PLA2G4D: variants seen among roughly 807,000 people sequenced by gnomAD.
The protein encoded by PLA2G4D is cytosolic phospholipase A2 delta.
In PLA2G4D, 80 loss-of-function variants were observed where a neutral mutation model predicts 94.4. The ratio of observed to expected loss-of-function variants is 0.85; its 90% CI spans 0.71 to 1.02. The LOEUF (loss-of-function observed/expected upper bound fraction) is 1.02, where lower values mean the gene tolerates loss of function less well. Among genes scored for constraint, PLA2G4D ranks in the 50% least tolerant of loss-of-function variants. The probability of loss-of-function intolerance (pLI) is 0.00; values close to 1 mark genes in which losing one functional copy is unlikely to be tolerated. For synonymous variants in PLA2G4D, 438 were observed against 440.9 expected (o/e 0.99, Z 0.08); for missense variants, 1,050 against 1,034.7 (o/e 1.01, Z -0.20).
In PLA2G4D at chr15:42,069,985, G is replaced by A; in HGVS notation, c.2154C>T (p.Asp718=). The A allele has an allele frequency of 6.7e-7, 1 of 1,487,108 alleles. No individual in the cohort carries two copies. The highest frequency in any genetic ancestry group is 8.9e-7 in the Non-Finnish European group (1 of 1,123,196). The allele number at this position is 1,487,108 out of a possible 1,614,324, so 92.1% of individuals were successfully genotyped here. ...HQPRECHLFS[D]PACPEAPILL... ...GGATCGGGGCCTCGGGGCAGGCGGGGTCTGAGAAGAGGTGGCATTCCCTTG... is the reference window on the plus strand; with the variant it reads ...GGATCGGGGCCTCGGGGCAGGCGGGATCTGAGAAGAGGTGGCATTCCCTTG... Residue 718 remains aspartate (D), a synonymous_variant, in exon 19 of 20, where the codon GAC becomes GAT. Coordinates refer to ENST00000290472, the MANE Select transcript of PLA2G4D (RefSeq NM_178034.4).
intron 13 of PLA2G4D, among the ~76,000 whole-genome samples, chr15:42,074,099 C>G (rs1027340242): frequency 5.9e-5 from 9 of 152,178 alleles, no homozygotes; most frequent in African/African-American, 2.2e-4. Context: ...CTCTGTTGCT[C>G]TTTTGATACA....
At chr15:42,088,467 A>G (rs1890193206) in intron 1 of PLA2G4D, among the ~76,000 whole-genome samples, 1 of 152,158 alleles carries the variant, frequency 6.6e-6, no homozygotes, top group African/African-American at 2.4e-5. Context: ...CTGGGGTCAG[A>G]GCACTGGGGG....
chr15:42,087,243 C>T (rs970575602), intron 3 of PLA2G4D, 57 bp downstream of exon 3: 10 of 1,607,956 alleles, frequency 6.2e-6, no homozygotes, highest in Non-Finnish European at 6.8e-6. Flanking sequence ...CCCAGGAACC[C>T]TTGCATGGGG....
chr15:42,091,396 GAGAAGTGACC>G (rs1445580057), intron 1 of PLA2G4D, among the ~76,000 whole-genome samples: 1 of 152,240 alleles, frequency 6.6e-6, no homozygotes, highest in Non-Finnish European at 1.5e-5. Context: ...GGGACACAGT[GAGAAGTGACC>G]AGAAGACAAG....
chr15:42,083,107 C>G, intron 8 of PLA2G4D, 91 bp downstream of exon 8: 1 of 1,520,822 alleles, frequency 6.6e-7, no homozygotes, highest in Non-Finnish European at 8.8e-7. Flanking sequence ...GGGGCCTTGG[C>G]CCTGGTGGGC....
intron 12 of PLA2G4D, among the ~76,000 whole-genome samples, chr15:42,080,200 C>T (rs1015191190): frequency 6.6e-6 from 1 of 152,080 alleles, no homozygotes; most frequent in African/African-American, 2.4e-5. Flanking sequence ...TAGTGGCTAC[C>T]ATAGTGGCTT....
At position 42,070,626 on chromosome 15, in the gene PLA2G4D, C is replaced by T. The variant is rs970952088; in HGVS notation, c.2043+91G>A. On this transcript the variant is annotated intron_variant, in intron 18 of 19. Coordinates refer to ENST00000290472, the MANE Select transcript of PLA2G4D (RefSeq NM_178034.4). ...CCTCTCCTTCCCTTCGGGACCCCGG[C>T]GGTGTGGGGCAGGGGCTCAGTGGCC... 134 of 1,388,950 alleles carry T rather than the reference C, an allele frequency of 9.6e-5. 1 individual carries two copies. In the East Asian group the frequency reaches 3.0e-3, roughly 31 times the overall value. 86.0% of individuals were successfully genotyped at this position (1,388,950 alleles called of 1,614,324 possible). A position where few individuals can be genotyped will look rare whatever the true frequency, so the allele number is the denominator to read the frequency against.
At position 42,082,409 on chromosome 15, in the gene PLA2G4D, C is replaced by A. The variant is rs1476025512; in HGVS notation, c.673-20G>T. ...GGAGCTCTGAAGGGAAAGCATCATT[C>A]ATTCATTCATTCATTCATTCAACAA... On this transcript the variant is annotated intron_variant, in intron 8 of 19. Coordinates refer to ENST00000290472, the MANE Select transcript of PLA2G4D (RefSeq NM_178034.4). 1 of 1,541,900 alleles carries A rather than the reference C, an allele frequency of 6.5e-7. No homozygotes were observed.
At chr15:42,070,248 AC>A in intron 18 of PLA2G4D, 153 bp from the exon 19 acceptor site, 2 of 711,810 alleles carry the variant, frequency 2.8e-6, no homozygotes, top group Non-Finnish European at 4.3e-6. Flanking sequence ...TCGGAGGGAG[AC>A]CCAGGGGGAG....
In PLA2G4D at chr15:42,086,194, T is replaced by TGG; in HGVS notation, c.387+18_387+19insCC. 1.5e-6 allele frequency: 2 copies of TGG among 1,370,438 alleles called. No homozygotes were observed. The highest frequency in any genetic ancestry group is 1.5e-5 in the South Asian group (1 of 66,866). 84.9% of individuals were successfully genotyped at this position (1,370,438 alleles called of 1,614,324 possible). Reference sequence around the variant, plus strand: ...GGAAGAAGTGGGGCCCACGGGGACTTCCCCACCCACCCACCCACCTGGGGA... The same window carrying TGG: ...GGAAGAAGTGGGGCCCACGGGGACTTGGCCCCACCCACCCACCCACCTGGGGA... On this transcript the variant is annotated intron_variant, in intron 4 of 19. Coordinates refer to ENST00000290472, the MANE Select transcript of PLA2G4D (RefSeq NM_178034.4).
rs1889704488 is a variant in PLA2G4D at position 42,067,338 on chromosome 15, C to T, written c.*1377G>A. ...ATTGCTTGAGTTCAGGAGTTCAAGA[C>T]CAGCCTGGGCAACATGGTGAGACCT... is the stretch of plus-strand genomic sequence containing the variant. On this transcript the variant is annotated 3_prime_UTR_variant, in exon 20 of 20. Transcript: ENST00000290472. 6.6e-6 allele frequency: 1 copy of T among 152,170 alleles called. No individual in the cohort carries two copies. Among genetic ancestry groups the T allele is most frequent in the Non-Finnish European group, 1.5e-5 (1 of 68,052 alleles). The allele number at this position is 152,170 out of a possible 1,614,324, so 9.4% of individuals were successfully genotyped here.
intron 1 of PLA2G4D, among the ~76,000 whole-genome samples, chr15:42,088,995 G>T (rs1890203545): frequency 6.6e-6 from 1 of 152,198 alleles, no homozygotes; most frequent in African/African-American, 2.4e-5. Context: ...AAAAACCCGT[G>T]CTGGGGCTTC....
At chr15:42,082,957 C>A (rs79182154) in intron 8 of PLA2G4D, among the ~76,000 whole-genome samples, 2,877 of 152,310 alleles carry the variant, frequency 0.019, 67 homozygotes, top group African/African-American at 0.054. Context: ...ATGTCTTATT[C>A]TAAGGGTATC....
chr15:42,070,703 G>T lies in PLA2G4D; in HGVS notation c.2043+14C>A. On this transcript the variant is annotated intron_variant, in intron 18 of 19. Transcript: ENST00000290472. ...TGGCTGGGCAGAGGGGTTCCCCTGGGGTGACCAGGGTACCTCGAAGGGCGC... is the reference window on the plus strand; with the variant it reads ...TGGCTGGGCAGAGGGGTTCCCCTGGTGTGACCAGGGTACCTCGAAGGGCGC... 1 of 1,551,118 alleles carries T rather than the reference G, an allele frequency of 6.4e-7. No homozygotes were observed. Among genetic ancestry groups the T allele is most frequent in the African/African-American group, 1.4e-5 (1 of 73,218 alleles).
In PLA2G4D at chr15:42,067,116, G is replaced by A. The variant is rs919470906; in HGVS notation, c.*1599C>T. On this transcript the variant is annotated 3_prime_UTR_variant, in exon 20 of 20. Transcript: ENST00000290472. ...AGAGGCACAGGGAAGGAAGCTGAGA[G>A]AGGACATCAGATGAGGGCAGTCCCT... 6.6e-6 allele frequency: 1 copy of A among 152,264 alleles called. No homozygotes were observed. Among genetic ancestry groups the A allele is most frequent in the African/African-American group, 2.4e-5 (1 of 41,458 alleles). The allele number at this position is 152,264 out of a possible 1,614,324, so 9.4% of individuals were successfully genotyped here.
At chr15:42,071,684 G>A in intron 15 of PLA2G4D, 90 bp downstream of exon 15, 2 of 1,412,372 alleles carry the variant, frequency 1.4e-6, no homozygotes, top group East Asian at 4.7e-5. Context: ...CCCTTGTCCT[G>A]AGGTTCTGCC....
At position 42,072,276 on chromosome 15, in the gene PLA2G4D, C is replaced by T; in HGVS notation, c.1434G>A (p.Lys478=). 6.2e-7 allele frequency: 1 copy of T among 1,611,510 alleles called. No individual in the cohort carries two copies. Residue 478 remains lysine (K), a splice_region_variant and synonymous_variant, in exon 14 of 20, where the codon AAG becomes AAA. Coordinates refer to ENST00000290472, the MANE Select transcript of PLA2G4D (RefSeq NM_178034.4). The stretch of plus-strand genomic sequence containing the variant: ...GGAGGGGAGTAGGTAGAACTGTACC[C>T]TTGAAGTCCAGTGTCTCCAGATTGT... The part of the protein sequence containing the change: ...KENNLETLDF[K]EWVEFSPYEV...
chr15:42,082,835 G>A (rs1279357604), intron 8 of PLA2G4D, among the ~76,000 whole-genome samples: 1 of 152,180 alleles, frequency 6.6e-6, no homozygotes, highest in South Asian at 2.1e-4. Flanking sequence ...TTGGAAATGA[G>A]AGAGGAGACA....
At chr15:42,085,036 C>T in intron 6 of PLA2G4D, 60 bp downstream of exon 6, 1 of 1,578,890 alleles carries the variant, frequency 6.3e-7, no homozygotes, top group Non-Finnish European at 8.7e-7. Context: ...CAGGCAGCTG[C>T]CCTCCCTCCC....
Sources: allele counts gnomAD v4.1 joint callset (sites outside exome capture counted in the v4.1 genomes callset), GRCh38; gene constraint gnomAD v4.1.1; transcripts MANE v1.5; gene names NCBI Gene and HGNC (gene_info 2026-07-23, HGNC 2026-07-21).